Variants in ACOXL observed in about 807,000 individuals in gnomAD.
The protein encoded by ACOXL is acyl-coenzyme A oxidase-like protein.
Under a neutral mutation model 71.9 loss-of-function variants are expected in ACOXL, and 70 were observed. The ratio of observed to expected loss-of-function variants is 0.97; its 90% CI spans 0.80 to 1.19. The LOEUF is 1.19. ACOXL is among the 50% of genes most tolerant of loss of function. The pLI is 0.00. For missense variants in ACOXL, 703 were observed against 736.3 expected, an observed-to-expected ratio of 0.95 and a Z score of 0.52; for synonymous variants, 253 against 281.6, an observed-to-expected ratio of 0.90 and a Z score of 1.02.
At chr2:110,769,211 A>G (rs1027472318) in intron 2 of ACOXL, among the ~76,000 whole-genome samples, 7 of 151,038 alleles carry the variant, frequency 4.6e-5, no homozygotes, top group Admixed American at 1.3e-4. Context: ...ATTTTAGTCA[A>G]TTTAGCCTCA....
chr2:110,921,868 A>G (rs550611003), intron 11 of ACOXL, among the ~76,000 whole-genome samples: 1 of 152,312 alleles, frequency 6.6e-6, no homozygotes, highest in Non-Finnish European at 1.5e-5. Context: ...TCTCCTTAAG[A>G]CTTCCCTTTC....
intron 12 of ACOXL, among the ~76,000 whole-genome samples, chr2:110,945,909 T>A (rs62159558): frequency 0.27 from 40,626 of 152,128 alleles, 6,288 homozygotes; most frequent in Non-Finnish European, 0.34. Flanking sequence ...TTCATAGGAA[T>A]AGCGTTGAAT....
At chr2:110,905,549 TCA>T (rs932556170) in intron 10 of ACOXL, among the ~76,000 whole-genome samples, 2 of 152,206 alleles carry the variant, frequency 1.3e-5, no homozygotes, top group African/African-American at 4.8e-5. Flanking sequence ...TGGCTGTATA[TCA>T]CAGTTACAGA....
intron 13 of ACOXL, among the ~76,000 whole-genome samples, chr2:110,992,337 T>C (rs1473406028): frequency 6.6e-6 from 1 of 152,208 alleles, no homozygotes; most frequent in African/African-American, 2.4e-5. Flanking sequence ...AAAGCCTTTG[T>C]CATCAAAGTG....
At chr2:111,088,648 A>G (rs972173907) in intron 16 of ACOXL, among the ~76,000 whole-genome samples, 8 of 152,104 alleles carry the variant, frequency 5.3e-5, no homozygotes, top group Non-Finnish European at 8.8e-5. Flanking sequence ...CAGGGTGGGA[A>G]GAGGGAGAGG....
intron 17 of ACOXL, among the ~76,000 whole-genome samples, chr2:111,104,865 T>C (rs1160676052): frequency 6.6e-6 from 1 of 152,182 alleles, no homozygotes; most frequent in African/African-American, 2.4e-5. Context: ...TGGACTGTAA[T>C]GTACTTTTAC....
chr2:110,957,927 G>A (rs10181055), intron 12 of ACOXL, among the ~76,000 whole-genome samples: 90 of 151,992 alleles, frequency 5.9e-4, no homozygotes, highest in Middle Eastern at 3.4e-3. Flanking sequence ...GCATGGTGGC[G>A]GGCGACTGTA....
intron 10 of ACOXL, among the ~76,000 whole-genome samples, chr2:110,867,227 T>A (rs1694721510): frequency 1.3e-5 from 2 of 152,076 alleles, no homozygotes; most frequent in African/African-American, 2.4e-5. Context: ...TGGAAGGGCA[T>A]GGAGCTGGGC....
intron 1 of ACOXL, among the ~76,000 whole-genome samples, chr2:110,739,671 G>C (rs1189660347): frequency 6.6e-6 from 1 of 152,216 alleles, no homozygotes; most frequent in Non-Finnish European, 1.5e-5. Flanking sequence ...CTCAGGCTTT[G>C]ATGGACTTGG....
At chr2:110,997,975 T>A (rs891478623) in intron 14 of ACOXL, among the ~76,000 whole-genome samples, 1 of 152,082 alleles carries the variant, frequency 6.6e-6, no homozygotes, top group African/African-American at 2.4e-5. Context: ...CTCTTGAGCC[T>A]GGGAGTCAGT....
chr2:111,016,313 G>T (rs2064433941), intron 14 of ACOXL, among the ~76,000 whole-genome samples: 1 of 152,180 alleles, frequency 6.6e-6, no homozygotes. Context: ...AGTTCAGAGA[G>T]AGGGTATAGG....
At chr2:110,782,879 G>A (rs921351672) in intron 2 of ACOXL, among the ~76,000 whole-genome samples, 2 of 152,178 alleles carry the variant, frequency 1.3e-5, no homozygotes, top group African/African-American at 4.8e-5. Flanking sequence ...TGATTCCAGA[G>A]AGGGTGACTC....
At chr2:111,086,167 A>G (rs1396825558) in intron 16 of ACOXL, among the ~76,000 whole-genome samples, 1 of 152,226 alleles carries the variant, frequency 6.6e-6, no homozygotes, top group African/African-American at 2.4e-5. Flanking sequence ...TACTACTGAA[A>G]CTATTTCAAA....
chr2:110,802,657 TTAAAA>T (rs1686145206), intron 8 of ACOXL, among the ~76,000 whole-genome samples: 1 of 151,878 alleles, frequency 6.6e-6, no homozygotes, highest in African/African-American at 2.4e-5. Context: ...ACCCCTGAAC[TTAAAA>T]TAAAAGTTAA....
rs1449306960 is a variant in ACOXL, at chr2:110,909,470, A to G, written c.905+565A>G. Among the ~76,000 whole-genome samples the G allele has an allele frequency of 2.0e-5, 3 of 152,054 alleles. No homozygotes were observed. In the East Asian group the frequency reaches 5.8e-4, roughly 29 times the overall value. Reference sequence around the variant, plus strand: ...AGCACTTGTGTGTCGTGTTATCATCATCCCCGCATTATAAAGATAAGAAAC... The same window carrying G: ...AGCACTTGTGTGTCGTGTTATCATCGTCCCCGCATTATAAAGATAAGAAAC... On this transcript the variant is annotated intron_variant, in intron 11 of 17. Coordinates refer to ENST00000439055, the MANE Select transcript of ACOXL (RefSeq NM_001142807.4).
chr2:111,053,985 C>A (rs2066417251), intron 16 of ACOXL, among the ~76,000 whole-genome samples: 1 of 152,190 alleles, frequency 6.6e-6, no homozygotes, highest in Non-Finnish European at 1.5e-5. Flanking sequence ...TGGAACAAGA[C>A]AGTAGAACAA....
At position 110,994,940 on chromosome 2, in the gene ACOXL, C is replaced by A. The variant is rs550737397; in HGVS notation, c.1170-953C>A. 2.6e-5 allele frequency among the ~76,000 whole-genome samples: 4 copies of A among 152,242 alleles called. No individual in the cohort carries two copies. In the South Asian group the frequency reaches 8.3e-4, roughly 32 times the overall value. ...CAAGTTACCAAATCTTGCTAAGCCTCAGTTTCCTAAACTCTACATTGGATA... is the reference window on the plus strand; with the variant it reads ...CAAGTTACCAAATCTTGCTAAGCCTAAGTTTCCTAAACTCTACATTGGATA... On this transcript the variant is annotated intron_variant, in intron 13 of 17. Coordinates refer to ENST00000439055, the MANE Select transcript of ACOXL (RefSeq NM_001142807.4).
At chr2:110,749,148 T>G (rs1484745925) in intron 1 of ACOXL, among the ~76,000 whole-genome samples, 1 of 152,186 alleles carries the variant, frequency 6.6e-6, no homozygotes, top group African/African-American at 2.4e-5. Context: ...GAAGATGTGT[T>G]TTCCACTAGA....
chr2:110,818,679 G>A (rs368996436), intron 9 of ACOXL, among the ~76,000 whole-genome samples: 1 of 151,944 alleles, frequency 6.6e-6, no homozygotes, highest in African/African-American at 2.4e-5. Flanking sequence ...CCATTTTTAC[G>A]TATGACCTTA....
Sources: allele counts gnomAD v4.1 joint callset (sites outside exome capture counted in the v4.1 genomes callset), GRCh38; gene constraint gnomAD v4.1.1; transcripts MANE v1.5; gene names NCBI Gene and HGNC (gene_info 2026-07-23, HGNC 2026-07-21).